Variants in SH3PXD2A observed in about 807,000 individuals in gnomAD.
SH3PXD2A encodes the protein SH3 and PX domain-containing protein 2A.
Under a neutral mutation model 115.2 loss-of-function variants are expected in SH3PXD2A, and 32 were observed. The ratio of observed to expected loss-of-function variants is 0.28; its 90% CI spans 0.21 to 0.37. The LOEUF (loss-of-function observed/expected upper bound fraction) is 0.37. Ranked by LOEUF, SH3PXD2A falls within the 10% of genes least tolerant of loss-of-function variation. The pLI, the probability that SH3PXD2A is intolerant of heterozygous loss-of-function variation, is 1.00. For synonymous variants in SH3PXD2A, 610 were observed against 629.1 expected (o/e 0.97, Z 0.45); for missense variants, 1,328 against 1,498.7 (o/e 0.89, Z 1.88).
chr10:103,763,408 A>T (rs1193171491), intron 3 of SH3PXD2A, among the ~76,000 whole-genome samples: 1 of 152,172 alleles, frequency 6.6e-6, no homozygotes, highest in Non-Finnish European at 1.5e-5. Flanking sequence ...CTCTGCTTCC[A>T]CCCCTTGGGA....
chr10:103,728,296 C>T (rs1380707654), intron 4 of SH3PXD2A, among the ~76,000 whole-genome samples: 1 of 152,186 alleles, frequency 6.6e-6, no homozygotes, highest in Non-Finnish European at 1.5e-5. Context: ...TATGAGAAGC[C>T]GAGCACAGTG....
chr10:103,824,647 C>T (rs978011183), intron 1 of SH3PXD2A, among the ~76,000 whole-genome samples: 6 of 152,190 alleles, frequency 3.9e-5, no homozygotes, highest in Non-Finnish European at 7.4e-5. Context: ...GCCCTACTTC[C>T]TGTGGCTTCT....
intron 13 of SH3PXD2A, among the ~76,000 whole-genome samples, chr10:103,610,430 G>A (rs2036408510): frequency 6.6e-6 from 1 of 152,242 alleles, no homozygotes; most frequent in South Asian, 2.1e-4. Flanking sequence ...ATGGTTGAGA[G>A]GGAGAATTCA....
At chr10:103,843,885 T>A (rs1041916876) in intron 1 of SH3PXD2A, among the ~76,000 whole-genome samples, 2 of 152,162 alleles carry the variant, frequency 1.3e-5, no homozygotes, top group Non-Finnish European at 2.9e-5. Flanking sequence ...AAAACACAGA[T>A]GATGACCAGG....
At chr10:103,625,629 A>T (rs1363677670) in intron 9 of SH3PXD2A, among the ~76,000 whole-genome samples, 2 of 152,220 alleles carry the variant, frequency 1.3e-5, no homozygotes, top group Non-Finnish European at 2.9e-5. Context: ...ACTGTGGCTC[A>T]TGCCTGTAAT....
intron 10 of SH3PXD2A, among the ~76,000 whole-genome samples, chr10:103,618,155 G>A (rs1042568813): frequency 1.4e-4 from 21 of 152,228 alleles, no homozygotes; most frequent in African/African-American, 5.1e-4. Context: ...CTCCCGAGGT[G>A]CTGGGAAAGA....
intron 6 of SH3PXD2A, among the ~76,000 whole-genome samples, chr10:103,692,608 C>T (rs2037769621): frequency 6.6e-6 from 1 of 152,246 alleles, no homozygotes; most frequent in Non-Finnish European, 1.5e-5. Flanking sequence ...TCTCTATTAA[C>T]CCTTCCATCA....
chr10:103,816,712 G>A (rs1314623184), intron 1 of SH3PXD2A, among the ~76,000 whole-genome samples: 2 of 152,072 alleles, frequency 1.3e-5, no homozygotes, highest in Non-Finnish European at 2.9e-5. Flanking sequence ...GCAAATGTTC[G>A]TAGCAGCATT....
At chr10:103,658,527 G>T (rs1343782176) in intron 8 of SH3PXD2A, among the ~76,000 whole-genome samples, 1 of 152,174 alleles carries the variant, frequency 6.6e-6, no homozygotes, top group Non-Finnish European at 1.5e-5. Context: ...CCATCCCAGA[G>T]ATCTGCAGCT....
intron 2 of SH3PXD2A, among the ~76,000 whole-genome samples, chr10:103,777,796 C>T (rs902685568): frequency 9.9e-5 from 15 of 152,278 alleles, no homozygotes; most frequent in African/African-American, 3.6e-4. Flanking sequence ...TTCTAGCCTG[C>T]AAGAAGTTGC....
At chr10:103,855,026 A>G (rs1036053733) in intron 1 of SH3PXD2A, among the ~76,000 whole-genome samples, 169 bp downstream of exon 1, 1 of 151,968 alleles carries the variant, frequency 6.6e-6, no homozygotes, top group African/African-American at 2.4e-5. Flanking sequence ...GAGGAAGGAC[A>G]GAAGAGGCTT....
At chr10:103,841,839 G>C (rs1197122438) in intron 1 of SH3PXD2A, among the ~76,000 whole-genome samples, 1 of 152,096 alleles carries the variant, frequency 6.6e-6, no homozygotes, top group African/African-American at 2.4e-5. Context: ...AAATAGCACA[G>C]CAAGGCCGGG....
At chr10:103,751,264 A>G (rs1369615320) in intron 3 of SH3PXD2A, among the ~76,000 whole-genome samples, 2 of 152,232 alleles carry the variant, frequency 1.3e-5, no homozygotes, top group Non-Finnish European at 2.9e-5. Context: ...TTCATGCTAC[A>G]CATGTATTGA....
chr10:103,689,000 G>A (rs1471172218), intron 6 of SH3PXD2A, among the ~76,000 whole-genome samples: 1 of 152,074 alleles, frequency 6.6e-6, no homozygotes, highest in African/African-American at 2.4e-5. Context: ...TTGAGTAGCT[G>A]GGACTACAGG....
At chr10:103,801,027 C>A (rs1174797763) in intron 2 of SH3PXD2A, among the ~76,000 whole-genome samples, 2 of 152,186 alleles carry the variant, frequency 1.3e-5, no homozygotes, top group Non-Finnish European at 1.5e-5. Flanking sequence ...TCCTACCCTG[C>A]AGGCAAGGGA....
In SH3PXD2A at chr10:103,602,896, G is replaced by A; in HGVS notation, c.2322C>T (p.Asp774=). ...RAESQSQEKM[D]ISTLRRQLRP... Reference sequence around the variant, plus strand: ...TCAGCTGGCGCCGTAAAGTGCTGATGTCCATCTTCTCTTGGCTCTGCGACT... The same window carrying A: ...TCAGCTGGCGCCGTAAAGTGCTGATATCCATCTTCTCTTGGCTCTGCGACT... The change falls in exon 15 of 15, where the codon GAC becomes GAT. Residue 774 remains aspartate (D), a synonymous_variant. Coordinates refer to ENST00000369774, the MANE Select transcript of SH3PXD2A (RefSeq NM_001394015.1). 1.9e-6 allele frequency: 3 copies of A among 1,614,110 alleles called. No individual in the cohort carries two copies. The highest frequency in any genetic ancestry group is 2.5e-6 in the Non-Finnish European group (3 of 1,179,952).
chr10:103,776,835 G>A lies in SH3PXD2A; in HGVS notation c.154-9666C>T, dbSNP rs2038885208. Among the ~76,000 whole-genome samples, 4 of 152,148 alleles carry A rather than the reference G, an allele frequency of 2.6e-5. No individual in the cohort carries two copies. In the South Asian group the frequency reaches 8.3e-4, roughly 32 times the overall value. On this transcript the variant is annotated intron_variant, in intron 2 of 14. Coordinates refer to ENST00000369774, the MANE Select transcript of SH3PXD2A (RefSeq NM_001394015.1). Reference sequence around the variant, plus strand: ...GGATGATCTCAACTAATTACATCTTGATGACCCTGTTCCCAAATAAGGTCA... The same window carrying A: ...GGATGATCTCAACTAATTACATCTTAATGACCCTGTTCCCAAATAAGGTCA...
intron 5 of SH3PXD2A, among the ~76,000 whole-genome samples, chr10:103,705,233 C>T (rs1013336216): frequency 7.9e-5 from 12 of 152,090 alleles, no homozygotes; most frequent in African/African-American, 2.7e-4. Flanking sequence ...GTAAAGCCCC[C>T]GAGGTCCCGG....
chr10:103,691,036 G>C (rs2037743126), intron 6 of SH3PXD2A, among the ~76,000 whole-genome samples: 1 of 152,206 alleles, frequency 6.6e-6, no homozygotes, highest in Non-Finnish European at 1.5e-5. Context: ...GCCCTGCATT[G>C]CTTAGGAAGC....
Sources: allele counts gnomAD v4.1 joint callset (sites outside exome capture counted in the v4.1 genomes callset), GRCh38; gene constraint gnomAD v4.1.1; transcripts MANE v1.5; gene names NCBI Gene and HGNC (gene_info 2026-07-23, HGNC 2026-07-21).